NR5A2: variants seen among roughly 807,000 people sequenced by gnomAD.
NR5A2 encodes the protein nuclear receptor subfamily 5 group A member 2, also known as CYP7A promoter-binding factor.
NR5A2 carries 26 observed loss-of-function variants against 62.7 expected under a neutral mutation model. That is an observed-to-expected ratio of 0.41 (90% CI 0.30 to 0.58). The LOEUF (loss-of-function observed/expected upper bound fraction) is 0.58. Among genes scored for constraint, NR5A2 ranks in the 20% least tolerant of loss-of-function variants. The pLI is 0.22. For synonymous variants in NR5A2, 246 were observed against 241.7 expected (o/e 1.02, Z -0.16); for missense variants, 541 against 669.1 (o/e 0.81, Z 2.11).
chr1:200,049,799 G>A (rs1662542382), intron 5 of NR5A2, among the ~76,000 whole-genome samples: 1 of 152,156 alleles, frequency 6.6e-6, no homozygotes, highest in Admixed American at 6.5e-5. Context: ...ATTTCTGAGA[G>A]AAGGAAAATG....
At chr1:200,148,523 C>CGTCT (rs1299719635) in intron 7 of NR5A2, among the ~76,000 whole-genome samples, 1 of 152,182 alleles carries the variant, frequency 6.6e-6, no homozygotes, top group African/African-American at 2.4e-5. Flanking sequence ...AACTCAGACT[C>CGTCT]TAGACAAGAC....
intron 5 of NR5A2, among the ~76,000 whole-genome samples, chr1:200,062,500 C>A (rs1663275125): frequency 1.3e-5 from 2 of 152,138 alleles, no homozygotes; most frequent in South Asian, 4.1e-4. Context: ...AAAAAACTTA[C>A]CAAATATTAC....
At chr1:200,060,162 C>G in intron 5 of NR5A2, among the ~76,000 whole-genome samples, 1 of 152,096 alleles carries the variant, frequency 6.6e-6, no homozygotes. Context: ...TCTTCTGTCC[C>G]AATTCGCTTT....
intron 6 of NR5A2, among the ~76,000 whole-genome samples, chr1:200,120,137 A>G (rs181491619): frequency 6.9e-4 from 105 of 152,280 alleles, no homozygotes; most frequent in African/African-American, 2.3e-3. Flanking sequence ...TTAAATTAAC[A>G]CTTCTGCTGT....
Position 200,087,541 on chromosome 1 carries a change from C to T in NR5A2, c.1111-23661C>T, listed in dbSNP as rs191662916. Among the ~76,000 whole-genome samples the T allele has an allele frequency of 3.3e-5, 5 of 151,412 alleles. 2 individuals are homozygous for T. Among genetic ancestry groups the T allele is most frequent in the East Asian group, 2.0e-4 (1 of 5,098 alleles). On this transcript the variant is annotated intron_variant, in intron 5 of 7. Coordinates refer to ENST00000367362, the MANE Select transcript of NR5A2 (RefSeq NM_205860.3). ...TCCTAAGTAGCTGGGACTACAGGCACGCACCACCACACCTGGCTAATTTTT... is the reference window on the plus strand; with the variant it reads ...TCCTAAGTAGCTGGGACTACAGGCATGCACCACCACACCTGGCTAATTTTT...
chr1:200,056,958 A>G (rs971266381), intron 5 of NR5A2, among the ~76,000 whole-genome samples: 10 of 152,198 alleles, frequency 6.6e-5, no homozygotes, highest in African/African-American at 2.4e-4. Flanking sequence ...CCTGTTCGAT[A>G]TAGTCTGGTT....
Position 200,039,341 on chromosome 1 carries a change from C to G in NR5A2, c.65-317C>G, listed in dbSNP as rs1661937639. Among the ~76,000 whole-genome samples the G allele has an allele frequency of 6.7e-6, 1 of 149,730 alleles. No individual in the cohort carries two copies. Among genetic ancestry groups the G allele is most frequent in the Non-Finnish European group, 1.5e-5 (1 of 67,284 alleles). ...CAGCCCCGCGGTCGCCTCCGCTGCC[C>G]GCCGGGAGCTCGGCGGTTCACGGCT... is the stretch of plus-strand genomic sequence containing the variant. On this transcript the variant is annotated intron_variant, in intron 1 of 7. Coordinates refer to ENST00000367362, the MANE Select transcript of NR5A2 (RefSeq NM_205860.3). This position sits in a 1 kb window ranked among gnomAD's most constrained non-coding sequence, Gnocchi z 5.1.
At chr1:200,137,143 T>TTTTTA (rs1553276753) in intron 7 of NR5A2, among the ~76,000 whole-genome samples, 2 of 78,884 alleles carry the variant, frequency 2.5e-5, no homozygotes, top group Non-Finnish European at 6.3e-5. Flanking sequence ...CCAGATTTTA[T>TTTTTA]TTTATTTATT....
At chr1:200,073,302 ATATATATATATATT>A (rs1663837295) in intron 5 of NR5A2, among the ~76,000 whole-genome samples, 1 of 117,682 alleles carries the variant, frequency 8.5e-6, no homozygotes, top group Admixed American at 9.0e-5. Flanking sequence ...TCCCCTTTAT[ATATATATATATATT>A]CCCCTTTATA....
chr1:200,052,643 ACT>A (rs1571718802), intron 5 of NR5A2, among the ~76,000 whole-genome samples: 1 of 147,556 alleles, frequency 6.8e-6, no homozygotes, highest in Middle Eastern at 3.5e-3. Flanking sequence ...CCTCTTTCTC[ACT>A]CTCTTTTTTT....
intron 5 of NR5A2, among the ~76,000 whole-genome samples, chr1:200,094,524 CTTTTTTTTTTT>C (rs373809748): frequency 6.7e-5 from 4 of 59,802 alleles, no homozygotes; most frequent in Admixed American, 2.6e-4. Context: ...TTAAATGCCA[CTTTTTTTTTTT>C]TTTTTTTTTT....
At chr1:200,096,317 A>G (rs1396554048) in intron 5 of NR5A2, among the ~76,000 whole-genome samples, 1 of 151,872 alleles carries the variant, frequency 6.6e-6, no homozygotes, top group Non-Finnish European at 1.5e-5. Flanking sequence ...TGAACTCCTG[A>G]CCTCAGGTGA....
intron 7 of NR5A2, among the ~76,000 whole-genome samples, chr1:200,144,196 C>T (rs1667567801): frequency 6.6e-6 from 1 of 150,436 alleles, no homozygotes; most frequent in Non-Finnish European, 1.5e-5. Flanking sequence ...ACCACCGCCA[C>T]CATCATCCCA....
intron 7 of NR5A2, among the ~76,000 whole-genome samples, chr1:200,126,048 A>C (rs1666686837): frequency 6.6e-6 from 1 of 151,760 alleles, no homozygotes; most frequent in South Asian, 2.1e-4. Flanking sequence ...GGGTCTCACT[A>C]TGTTGCCCAG....
chr1:200,037,733 C>T (rs3790845), intron 1 of NR5A2, among the ~76,000 whole-genome samples: 41,933 of 152,092 alleles, frequency 0.28, 7,200 homozygotes, highest in East Asian at 0.7. Context: ...AATGTTTCCA[C>T]GAAACCTGAA....
At chr1:200,136,539 C>T (rs998251296) in intron 7 of NR5A2, among the ~76,000 whole-genome samples, 2 of 152,178 alleles carry the variant, frequency 1.3e-5, no homozygotes, top group Non-Finnish European at 2.9e-5. Context: ...TACTGTCTTT[C>T]CCTAAGATCA....
chr1:200,067,824 C>A (rs1004595683), intron 5 of NR5A2, among the ~76,000 whole-genome samples: 2 of 152,150 alleles, frequency 1.3e-5, no homozygotes, highest in African/African-American at 4.8e-5. Context: ...ATGCAGACAC[C>A]AGTGTGCAAA....
intron 1 of NR5A2, among the ~76,000 whole-genome samples, chr1:200,032,081 C>G (rs1661568869): frequency 6.6e-6 from 1 of 152,188 alleles, no homozygotes; most frequent in Non-Finnish European, 1.5e-5. Flanking sequence ...AATCCCCACC[C>G]CCAGGGATGC....
chr1:200,112,225 AAGG>A (rs1349462311), intron 6 of NR5A2, among the ~76,000 whole-genome samples: 3 of 152,340 alleles, frequency 2.0e-5, no homozygotes, highest in Non-Finnish European at 2.9e-5. Flanking sequence ...CAAAGTCTTA[AAGG>A]AGGAGAGACA....
Sources: allele counts gnomAD v4.1 joint callset (sites outside exome capture counted in the v4.1 genomes callset), GRCh38; gene constraint gnomAD v4.1.1; non-coding constraint Gnocchi (gnomAD v3.1); transcripts MANE v1.5; gene names NCBI Gene and HGNC (gene_info 2026-07-23, HGNC 2026-07-21).